Variants in PRKG1 observed in about 807,000 individuals in gnomAD.
PRKG1 encodes the protein cGMP-dependent protein kinase 1.
Under a neutral mutation model 88.1 loss-of-function variants are expected in PRKG1, and 35 were observed. The ratio of observed to expected loss-of-function variants is 0.40; its 90% CI spans 0.30 to 0.53. The LOEUF is 0.53. PRKG1 is among the 20% of genes least tolerant of loss of function. The pLI, the probability that PRKG1 is intolerant of heterozygous loss-of-function variation, is 0.59. For missense variants in PRKG1, 540 were observed against 839.8 expected (o/e 0.64, Z 4.41); for synonymous variants, 303 against 292.5 (o/e 1.04, Z -0.37).
intron 1 of PRKG1, among the ~76,000 whole-genome samples, chr10:51,038,737 G>A (rs1589118462): frequency 6.6e-6 from 1 of 152,052 alleles, no homozygotes; most frequent in Non-Finnish European, 1.5e-5. Context: ...ATCGTTTGAT[G>A]GGCACTTAGG....
intron 2 of PRKG1, among the ~76,000 whole-genome samples, chr10:51,401,561 G>C (rs987790415): frequency 6.6e-6 from 1 of 152,144 alleles, no homozygotes; most frequent in African/African-American, 2.4e-5. Context: ...TCTAAGCAGG[G>C]AAAAGTTGTT....
At chr10:51,617,006 T>G (rs1022192220) in intron 3 of PRKG1, among the ~76,000 whole-genome samples, 5 of 152,146 alleles carry the variant, frequency 3.3e-5, no homozygotes, top group African/African-American at 1.2e-4. Context: ...TGCCTTGGTG[T>G]AGCAGCTTAG....
intron 1 of PRKG1, among the ~76,000 whole-genome samples, chr10:51,093,040 T>C (rs1844436415): frequency 6.6e-6 from 1 of 152,152 alleles, no homozygotes. Flanking sequence ...CTACGAATCG[T>C]TGTGCAGGTT....
intron 2 of PRKG1, among the ~76,000 whole-genome samples, chr10:51,394,203 T>C (rs1179475941): frequency 1.3e-5 from 2 of 152,006 alleles, no homozygotes; most frequent in African/African-American, 2.4e-5. Flanking sequence ...CTAGGGTGAG[T>C]TGATGATTAA....
chr10:51,037,274 C>T (rs890023901), intron 1 of PRKG1, among the ~76,000 whole-genome samples: 17 of 151,386 alleles, frequency 1.1e-4, no homozygotes, highest in African/African-American at 3.4e-4. Context: ...ATAGCGAGAC[C>T]TCCCCGCCAA....
chr10:51,443,567 A>G (rs1839181523), intron 2 of PRKG1, among the ~76,000 whole-genome samples: 1 of 152,078 alleles, frequency 6.6e-6, no homozygotes, highest in Non-Finnish European at 1.5e-5. Context: ...AATTTCAGGG[A>G]AAGTAAACTT....
intron 1 of PRKG1, among the ~76,000 whole-genome samples, chr10:51,030,331 T>A (rs1843267292): frequency 6.6e-6 from 1 of 152,186 alleles, no homozygotes; most frequent in African/African-American, 2.4e-5. Context: ...TGTGAATCAT[T>A]GTCACGTTTT....
At chr10:51,667,409 TG>T (rs1462309200) in intron 3 of PRKG1, among the ~76,000 whole-genome samples, 13 of 152,214 alleles carry the variant, frequency 8.5e-5, no homozygotes, top group Non-Finnish European at 1.3e-4. Flanking sequence ...GAATTGAGAA[TG>T]CTTTATTCAA....
At chr10:51,578,127 C>A (rs1233585747) in intron 3 of PRKG1, among the ~76,000 whole-genome samples, 1 of 152,010 alleles carries the variant, frequency 6.6e-6, no homozygotes, top group Non-Finnish European at 1.5e-5. Context: ...GCTCTTCATT[C>A]CTATTTTCTT....
intron 1 of PRKG1, among the ~76,000 whole-genome samples, chr10:51,046,114 A>G (rs1398835395): frequency 6.6e-6 from 1 of 152,254 alleles, no homozygotes; most frequent in Non-Finnish European, 1.5e-5. Context: ...TTGCACAGTA[A>G]GAGCATGTGA....
chr10:51,760,552 A>G (rs1268649269), intron 3 of PRKG1, among the ~76,000 whole-genome samples: 19 of 151,396 alleles, frequency 1.3e-4, no homozygotes, highest in Non-Finnish European at 2.9e-5. Context: ...GCTCACTACA[A>G]TCTCTGCCTC....
chr10:51,722,849 A>G (rs1010374967), intron 3 of PRKG1, among the ~76,000 whole-genome samples: 1 of 152,226 alleles, frequency 6.6e-6, no homozygotes, highest in Non-Finnish European at 1.5e-5. Flanking sequence ...AGGACTGATT[A>G]AATGTTAAAT....
At chr10:51,325,807 C>A (rs531677850) in intron 2 of PRKG1, among the ~76,000 whole-genome samples, 1 of 152,218 alleles carries the variant, frequency 6.6e-6, no homozygotes, top group South Asian at 2.1e-4. Flanking sequence ...AAGACCTGGT[C>A]CCCCAGTGTT....
chr10:51,569,419 T>C (rs975773815), intron 3 of PRKG1, among the ~76,000 whole-genome samples: 5 of 152,188 alleles, frequency 3.3e-5, no homozygotes, highest in African/African-American at 1.2e-4. Flanking sequence ...ATTAAATACA[T>C]GAGTGACAGG....
At chr10:52,015,263 CT>C (rs1322639938) in intron 5 of PRKG1, among the ~76,000 whole-genome samples, 3 of 152,228 alleles carry the variant, frequency 2.0e-5, no homozygotes, top group Non-Finnish European at 2.9e-5. Flanking sequence ...AAACTTTTGT[CT>C]CCTGCCTACC....
chr10:51,256,280 T>C (rs1476366901), intron 2 of PRKG1, among the ~76,000 whole-genome samples: 2 of 152,170 alleles, frequency 1.3e-5, no homozygotes, highest in Admixed American at 1.3e-4. Flanking sequence ...TTAGTAAATA[T>C]TATGAGATAA....
chr10:51,945,959 T>C (rs1344479366), intron 5 of PRKG1, among the ~76,000 whole-genome samples: 1 of 150,310 alleles, frequency 6.7e-6, no homozygotes, highest in Non-Finnish European at 1.5e-5. Context: ...TCGAGGAGTA[T>C]CTTTGTGGCG....
chr10:51,849,369 C>T (rs536319767), intron 4 of PRKG1, among the ~76,000 whole-genome samples: 3 of 152,118 alleles, frequency 2.0e-5, no homozygotes, highest in East Asian at 1.9e-4. Context: ...AGTGATTAAA[C>T]GAATATCAAG....
intron 3 of PRKG1, among the ~76,000 whole-genome samples, chr10:51,579,906 T>C (rs1837987742): frequency 6.6e-6 from 1 of 152,120 alleles, no homozygotes. Flanking sequence ...ATATATGAAA[T>C]CAAACTGTCT....
Sources: allele counts gnomAD v4.1 joint callset (sites outside exome capture counted in the v4.1 genomes callset), GRCh38; gene constraint gnomAD v4.1.1; transcripts MANE v1.5; gene names NCBI Gene and HGNC (gene_info 2026-07-23, HGNC 2026-07-21).